BLTP3B: variants seen among roughly 807,000 people sequenced by gnomAD.
The protein encoded by BLTP3B is UHRF1 (ICBP90) binding protein 1-like.
At chr12:100,078,236 C>G in the BLTP3B span, among the ~76,000 whole-genome samples, 4 of 152,214 alleles carry the variant, frequency 2.6e-5, no homozygotes, top group South Asian at 8.3e-4. Context: ...TGGCACCTCC[C>G]TGCGCCACTC....
chr12:100,131,032 A>AGG, the BLTP3B span, among the ~76,000 whole-genome samples: 1 of 123,004 alleles, frequency 8.1e-6, no homozygotes, highest in Non-Finnish European at 1.7e-5. Context: ...AGAGAGAGAG[A>AGG]GAAAGAGTTT....
chr12:100,087,595 T>C, the BLTP3B span, among the ~76,000 whole-genome samples: 280 of 152,282 alleles, frequency 1.8e-3, 1 homozygote, highest in African/African-American at 6.2e-3. Flanking sequence ...TAAATATTTA[T>C]AGGAAGCAGG....
chr12:100,045,379 T>C, the BLTP3B span, among the ~76,000 whole-genome samples: 1 of 150,182 alleles, frequency 6.7e-6, no homozygotes, highest in African/African-American at 2.4e-5. Context: ...CCAAAACAGA[T>C]ACATAGATCA....
chr12:100,050,159 A>G, the BLTP3B span: 1 of 1,466,760 alleles, frequency 6.8e-7, no homozygotes, highest in Non-Finnish European at 9.0e-7. Context: ...ATTAAAAAAA[A>G]AAACTTACCA....
At chr12:100,136,148 T>G in the BLTP3B span, among the ~76,000 whole-genome samples, 1 of 151,278 alleles carries the variant, frequency 6.6e-6, no homozygotes, top group African/African-American at 2.4e-5. Flanking sequence ...GAGGCAGAGG[T>G]TGCAGTGAGC....
At chr12:100,068,378 C>G in the BLTP3B span, among the ~76,000 whole-genome samples, 2 of 152,128 alleles carry the variant, frequency 1.3e-5, no homozygotes, top group Non-Finnish European at 2.9e-5. Context: ...AATCTAAGCC[C>G]TGAAACTATA....
At chr12:100,109,459 G>A in the BLTP3B span, among the ~76,000 whole-genome samples, 6 of 152,074 alleles carry the variant, frequency 3.9e-5, no homozygotes, top group Admixed American at 3.3e-4. Flanking sequence ...TGGAATGTCT[G>A]TAACACAAAG....
At chr12:100,134,545 A>G in the BLTP3B span, among the ~76,000 whole-genome samples, 1 of 152,104 alleles carries the variant, frequency 6.6e-6, no homozygotes, top group Non-Finnish European at 1.5e-5. Context: ...TGAACCCAGA[A>G]GGCAGGGGTT....
the BLTP3B span, chr12:100,088,791 A>C: frequency 1.3e-6 from 1 of 760,610 alleles, no homozygotes; most frequent in Admixed American, 4.0e-5. Flanking sequence ...CTATATATTC[A>C]TATGAACACA....
At chr12:100,103,955 C>T in the BLTP3B span, 8 of 1,595,490 alleles carry the variant, frequency 5.0e-6, no homozygotes, top group South Asian at 9.2e-5. Context: ...ATGGGATCTA[C>T]AAATGAAAAA....
At chr12:100,120,533 A>C in the BLTP3B span, among the ~76,000 whole-genome samples, 1 of 152,228 alleles carries the variant, frequency 6.6e-6, no homozygotes, top group Non-Finnish European at 1.5e-5. Context: ...ACCACTACTT[A>C]TCCACTAAAA....
At chr12:100,109,768 A>G in the BLTP3B span, among the ~76,000 whole-genome samples, 3 of 67,246 alleles carry the variant, frequency 4.5e-5, no homozygotes, top group Non-Finnish European at 7.8e-5. Context: ...CCTGTCTCAG[A>G]AAAAAAAAAA....
the BLTP3B span, among the ~76,000 whole-genome samples, chr12:100,110,351 ATGCTGAGC>A: frequency 6.6e-6 from 1 of 152,176 alleles, no homozygotes. Context: ...TTGACCAATG[ATGCTGAGC>A]TGTATTACAC....
chr12:100,067,675 C>T, the BLTP3B span, among the ~76,000 whole-genome samples: 1 of 151,812 alleles, frequency 6.6e-6, no homozygotes, highest in African/African-American at 2.4e-5. Flanking sequence ...TAACAAGCAG[C>T]CAAACTGAAA....
chr12:100,095,826 G>A, the BLTP3B span: 3 of 1,604,694 alleles, frequency 1.9e-6, no homozygotes. Context: ...CTATGACATT[G>A]CAGTCCTTTA....
At chr12:100,040,005 G>A in the BLTP3B span, among the ~76,000 whole-genome samples, 1 of 152,056 alleles carries the variant, frequency 6.6e-6, no homozygotes, top group East Asian at 1.9e-4. Context: ...CCAAGAATTT[G>A]TCAACTTCAT....
the BLTP3B span, among the ~76,000 whole-genome samples, chr12:100,112,133 CA>C: frequency 8.5e-5 from 13 of 152,050 alleles, no homozygotes; most frequent in African/African-American, 3.1e-4. Flanking sequence ...CAAGGGAAAC[CA>C]AAAAAGCCTG....
the BLTP3B span, chr12:100,048,300 C>G: frequency 7.6e-7 from 1 of 1,316,402 alleles, no homozygotes; most frequent in Non-Finnish European, 1.0e-6. Flanking sequence ...CTATTTCCCC[C>G]TAGTTTAAAT....
the BLTP3B span, chr12:100,084,527 C>G: frequency 6.2e-7 from 1 of 1,613,700 alleles, no homozygotes; most frequent in Non-Finnish European, 8.5e-7. Context: ...GGAGGTGAAC[C>G]TACATTATGA....
Sources: gnomAD v4.1 joint callset for allele counts (sites outside exome capture counted in the v4.1 genomes callset) on GRCh38, gnomAD v4.1.1 for gene constraint, MANE v1.5 for transcripts, NCBI Gene and HGNC (gene_info 2026-07-23, HGNC 2026-07-21) for gene names.